Variants in ASH2L observed in about 807,000 individuals in gnomAD.
ASH2L encodes ASH2 like, histone lysine methyltransferase complex subunit.
A neutral mutation model predicts 81.1 loss-of-function variants in ASH2L; 30 were observed. That is an observed-to-expected ratio of 0.37 (90% CI 0.28 to 0.50). The LOEUF is 0.50. ASH2L is among the 20% of genes least tolerant of loss of function. ASH2L has a pLI of 0.95. For missense variants in ASH2L, 559 were observed against 792.1 expected, an observed-to-expected ratio of 0.71 and a Z score of 3.53; for synonymous variants, 273 against 279.9, an observed-to-expected ratio of 0.98 and a Z score of 0.24.
chr8:38,120,738 C>T (rs1056120002), intron 9 of ASH2L, among the ~76,000 whole-genome samples, 194 bp from the exon 10 acceptor site: 3 of 150,712 alleles, frequency 2.0e-5, no homozygotes, highest in Non-Finnish European at 2.9e-5. Flanking sequence ...CTACCTTGCT[C>T]AATAAAGCTA....
At chr8:38,133,131 A>T (rs537044158) in intron 12 of ASH2L, among the ~76,000 whole-genome samples, 17 of 152,054 alleles carry the variant, frequency 1.1e-4, no homozygotes, top group African/African-American at 4.1e-4. Flanking sequence ...AATAAACGTC[A>T]TTTTTTTCAG....
At chr8:38,108,483 A>G (rs577951301) in intron 3 of ASH2L, among the ~76,000 whole-genome samples, 165 of 151,540 alleles carry the variant, frequency 1.1e-3, no homozygotes, top group African/African-American at 3.7e-3. Flanking sequence ...AGTTATATCT[A>G]AAGTCCAGTT....
At chr8:38,112,250 T>G (rs1810714799) in intron 5 of ASH2L, among the ~76,000 whole-genome samples, 1 of 152,170 alleles carries the variant, frequency 6.6e-6, no homozygotes, top group Non-Finnish European at 1.5e-5. Context: ...CCTCCTGCTT[T>G]GGCCTTCCAA....
chr8:38,113,608 A>G (rs57418359), intron 5 of ASH2L, among the ~76,000 whole-genome samples: 2,343 of 152,280 alleles, frequency 0.015, 58 homozygotes, highest in African/African-American at 0.054. Flanking sequence ...GTCCTGACTG[A>G]AGTGACATTT....
rs865782696 is a variant in ASH2L at position 38,119,412 on chromosome 8, G to A, written c.947+49G>A. The A allele has an allele frequency of 2.5e-5, 36 of 1,420,572 alleles. No individual in the cohort carries two copies. The African/African-American group carries it at 4.4e-4, about 17-fold the overall frequency. 88.0% of individuals were successfully genotyped at this position (1,420,572 alleles called of 1,614,324 possible). On this transcript the variant is annotated intron_variant, in intron 9 of 15. Coordinates refer to ENST00000343823, the MANE Select transcript of ASH2L (RefSeq NM_004674.5). ...CCCCTCACTATTTAAGTATTATTTG[G>A]TGCTGGGAAAGTCCAGCAGAGGGAA... is the stretch of plus-strand genomic sequence containing the variant.
Position 38,119,357 on chromosome 8 carries a change from C to T in ASH2L, c.941C>T (p.Ala314Val). ...GGGACCACAGGGACCACCAAGAAGGCCCGGAGGTGGGGAGAGTGCCCACCC... is the reference window on the plus strand; with the variant it reads ...GGGACCACAGGGACCACCAAGAAGGTCCGGAGGTGGGGAGAGTGCCCACCC... ...DGGTTGTTKK[A>V]RSDPLFSAQR... Residue 314 changes from alanine to valine, a missense_variant, in exon 9 of 16, where the codon GCC (alanine) becomes GTC (valine). Coordinates refer to ENST00000343823, the MANE Select transcript of ASH2L (RefSeq NM_004674.5). 6.5e-7 allele frequency: 1 copy of T among 1,539,570 alleles called. No homozygotes were observed. The highest frequency in any genetic ancestry group is 8.7e-7 in the Non-Finnish European group (1 of 1,143,290).
intron 13 of ASH2L, among the ~76,000 whole-genome samples, chr8:38,133,850 A>G (rs1170087989): frequency 1.3e-5 from 2 of 152,182 alleles, no homozygotes; most frequent in Non-Finnish European, 2.9e-5. Flanking sequence ...AGAACGGGCC[A>G]TGATGACGAT....
At chr8:38,130,857 G>A (rs1370869688) in intron 12 of ASH2L, among the ~76,000 whole-genome samples, 1 of 152,190 alleles carries the variant, frequency 6.6e-6, no homozygotes, top group Non-Finnish European at 1.5e-5. Flanking sequence ...TGGGATTACA[G>A]GCATGAGCCA....
chr8:38,109,581 CCT>C (rs1286847005), intron 3 of ASH2L, among the ~76,000 whole-genome samples: 1 of 152,178 alleles, frequency 6.6e-6, no homozygotes. Context: ...TGCGTTGGTT[CCT>C]CTGTTGCATC....
intron 8 of ASH2L, among the ~76,000 whole-genome samples, chr8:38,118,500 C>G (rs1811000588): frequency 6.6e-6 from 1 of 152,190 alleles, no homozygotes; most frequent in Admixed American, 6.5e-5. Context: ...TGTAAATTGT[C>G]TATTCCTATT....
chr8:38,130,279 G>GTT (rs1802006515), intron 12 of ASH2L, among the ~76,000 whole-genome samples: 2 of 119,466 alleles, frequency 1.7e-5, no homozygotes, highest in Non-Finnish European at 3.6e-5. Flanking sequence ...AACAGGTTTG[G>GTT]TATTTTTTGT....
chr8:38,119,913 G>C (rs1365966480), intron 9 of ASH2L, among the ~76,000 whole-genome samples: 1 of 152,152 alleles, frequency 6.6e-6, no homozygotes, highest in Non-Finnish European at 1.5e-5. Flanking sequence ...GAGGTCAGGA[G>C]TTTGAGACCA....
chr8:38,131,922 T>C (rs1187662233), intron 12 of ASH2L, among the ~76,000 whole-genome samples: 1 of 151,864 alleles, frequency 6.6e-6, no homozygotes, highest in East Asian at 1.9e-4. Context: ...AGTCTCGGCA[T>C]ACTGCAGCCT....
chr8:38,115,024 T>C, intron 7 of ASH2L, 24 bp downstream of exon 7: 1 of 1,508,018 alleles, frequency 6.6e-7, no homozygotes, highest in Non-Finnish European at 9.2e-7. Context: ...TTTTACATTT[T>C]CTTTTTGATT....
intron 10 of ASH2L, chr8:38,124,169 G>A (rs936120269): frequency 6.6e-6 from 1 of 151,848 alleles, no homozygotes; most frequent in African/African-American, 2.4e-5. Flanking sequence ...ATGAATAGCA[G>A]CGTGCTATAT....
intron 4 of ASH2L, 58 bp from the exon 5 acceptor site, chr8:38,110,681 C>G (rs1380618016): frequency 7.1e-7 from 1 of 1,404,402 alleles, no homozygotes; most frequent in Non-Finnish European, 1.0e-6. Flanking sequence ...CGAGTATTCC[C>G]TTGGTAGTAG....
intron 9 of ASH2L, 21 bp from the exon 10 acceptor site, chr8:38,120,911 G>A (rs781609189): frequency 6.2e-7 from 1 of 1,606,338 alleles, no homozygotes; most frequent in Non-Finnish European, 8.5e-7. Flanking sequence ...GTTTTTTGAT[G>A]TTATTTTTTC....
At chr8:38,126,853 C>CAAAAAA (rs57920604) in intron 10 of ASH2L, among the ~76,000 whole-genome samples, 2 of 129,780 alleles carry the variant, frequency 1.5e-5, no homozygotes, top group Admixed American at 7.9e-5. Flanking sequence ...GACTCTGTCT[C>CAAAAAA]AAAAAAGAAA....
intron 10 of ASH2L, among the ~76,000 whole-genome samples, chr8:38,122,092 A>G (rs1801652626): frequency 6.6e-6 from 1 of 152,206 alleles, no homozygotes; most frequent in Non-Finnish European, 1.5e-5. Flanking sequence ...TTATATCAGT[A>G]TGGACTCATA....
Sources: allele counts gnomAD v4.1 joint callset (sites outside exome capture counted in the v4.1 genomes callset), GRCh38; gene constraint gnomAD v4.1.1; transcripts MANE v1.5; gene names NCBI Gene and HGNC (gene_info 2026-07-23, HGNC 2026-07-21).